DRC8: variants seen among roughly 807,000 people sequenced by gnomAD.
DRC8 encodes the protein dynein regulatory complex subunit 8, also known as dynein regulatory complex protein 8.
the DRC8 span, among the ~76,000 whole-genome samples, chr1:245,076,961 G>A: frequency 2.0e-5 from 3 of 152,022 alleles, no homozygotes; most frequent in Non-Finnish European, 4.4e-5. Flanking sequence ...TCCTGACCTC[G>A]TGATCCGCCC....
the DRC8 span, among the ~76,000 whole-genome samples, chr1:245,012,756 G>A: frequency 6.6e-6 from 1 of 152,082 alleles, no homozygotes; most frequent in Non-Finnish European, 1.5e-5. Context: ...ATTCTAAAAT[G>A]TTAATTCTCA....
the DRC8 span, among the ~76,000 whole-genome samples, chr1:244,972,530 T>C: frequency 6.6e-6 from 1 of 152,148 alleles, no homozygotes; most frequent in Admixed American, 6.6e-5. Flanking sequence ...GTACATTAAC[T>C]TTCGAGAAGG....
chr1:245,083,062 G>T, the DRC8 span, among the ~76,000 whole-genome samples: 3 of 152,046 alleles, frequency 2.0e-5, no homozygotes, highest in African/African-American at 7.2e-5. Context: ...ACCAGGCCAG[G>T]TACTGGTGCC....
At chr1:244,993,733 C>T in the DRC8 span, among the ~76,000 whole-genome samples, 1 of 152,188 alleles carries the variant, frequency 6.6e-6, no homozygotes, top group Admixed American at 6.5e-5. Flanking sequence ...TGCATCATAA[C>T]ATGGTAGAAG....
chr1:245,074,751 TG>T, the DRC8 span, among the ~76,000 whole-genome samples: 6 of 151,800 alleles, frequency 4.0e-5, no homozygotes, highest in Non-Finnish European at 1.5e-5. Flanking sequence ...TTAAAATTTT[TG>T]TTTTTAAAGA....
chr1:245,014,310 T>G, the DRC8 span, among the ~76,000 whole-genome samples: 1 of 152,092 alleles, frequency 6.6e-6, no homozygotes. Context: ...TAATTGAAGA[T>G]CCCAGTAGGG....
chr1:245,000,422 A>G, the DRC8 span, among the ~76,000 whole-genome samples: 1 of 152,184 alleles, frequency 6.6e-6, no homozygotes, highest in African/African-American at 2.4e-5. Context: ...GTGGAAAGTG[A>G]AACTGTGGAC....
chr1:245,075,891 T>G, the DRC8 span, among the ~76,000 whole-genome samples: 1 of 152,210 alleles, frequency 6.6e-6, no homozygotes, highest in African/African-American at 2.4e-5. Context: ...GGTGGATATT[T>G]GTTACTCTCG....
the DRC8 span, chr1:245,002,338 A>G: frequency 1.8e-5 from 15 of 839,924 alleles, no homozygotes; most frequent in East Asian, 3.2e-4. Context: ...TTGATTATAC[A>G]TCTAGCCAGA....
At chr1:244,993,626 A>G in the DRC8 span, among the ~76,000 whole-genome samples, 2 of 152,232 alleles carry the variant, frequency 1.3e-5, no homozygotes, top group East Asian at 1.9e-4. Flanking sequence ...GATACCACAG[A>G]CTAGGTAACT....
At chr1:245,022,412 C>G in the DRC8 span, among the ~76,000 whole-genome samples, 33 of 152,026 alleles carry the variant, frequency 2.2e-4, no homozygotes, top group Admixed American at 6.5e-4. Context: ...GACCCGCCCG[C>G]CTCAGCCTCC....
the DRC8 span, among the ~76,000 whole-genome samples, chr1:245,042,647 AGACATTTTTGGATT>A: frequency 1.3e-5 from 2 of 152,230 alleles, no homozygotes; most frequent in African/African-American, 4.8e-5. Context: ...CTTTGTCCTT[AGACATTTTTGGATT>A]GCTTTAAATG....
the DRC8 span, among the ~76,000 whole-genome samples, chr1:245,027,352 G>C: frequency 1.6e-4 from 24 of 152,166 alleles, no homozygotes; most frequent in East Asian, 4.6e-3. Flanking sequence ...AAGGAAGAAG[G>C]AGGAAAGGAA....
the DRC8 span, among the ~76,000 whole-genome samples, chr1:244,984,132 G>T: frequency 2.6e-5 from 4 of 151,732 alleles, no homozygotes; most frequent in South Asian, 2.1e-4. Context: ...TTTTTTTGGG[G>T]GGGGGGAATA....
chr1:245,052,985 A>G, the DRC8 span, among the ~76,000 whole-genome samples: 2 of 152,218 alleles, frequency 1.3e-5, no homozygotes, highest in African/African-American at 4.8e-5. Context: ...TTGTATGATA[A>G]AACTTGAGAT....
chr1:245,119,920 G>A, the DRC8 span, among the ~76,000 whole-genome samples: 1 of 150,668 alleles, frequency 6.6e-6, no homozygotes, highest in East Asian at 2.0e-4. Context: ...GCAACAGAGC[G>A]AGACCCCGTC....
the DRC8 span, among the ~76,000 whole-genome samples, chr1:245,109,697 G>C: frequency 6.6e-6 from 1 of 152,214 alleles, no homozygotes; most frequent in East Asian, 1.9e-4. Context: ...CCATTCTACA[G>C]GTAAGGAAAT....
At chr1:245,085,564 C>A in the DRC8 span, among the ~76,000 whole-genome samples, 1 of 152,108 alleles carries the variant, frequency 6.6e-6, no homozygotes, top group Non-Finnish European at 1.5e-5. Context: ...TGGCAAACAG[C>A]AGGAAATTAA....
At chr1:245,020,360 G>T in the DRC8 span, among the ~76,000 whole-genome samples, 2 of 152,122 alleles carry the variant, frequency 1.3e-5, no homozygotes, top group Non-Finnish European at 2.9e-5. Flanking sequence ...CTGAGGGGCA[G>T]TCCTGAGGTC....
Sources: gnomAD v4.1 joint callset for allele counts (sites outside exome capture counted in the v4.1 genomes callset) on GRCh38, gnomAD v4.1.1 for gene constraint, MANE v1.5 for transcripts, NCBI Gene and HGNC (gene_info 2026-07-23, HGNC 2026-07-21) for gene names.